The following CNTNAP5 variants were observed in gnomAD, a reference collection of about 807,000 sequenced individuals.
The protein encoded by CNTNAP5 is contactin associated protein family member 5.
In CNTNAP5, 72 loss-of-function variants were observed where a neutral mutation model predicts 150.2. The observed-to-expected ratio is 0.48, with a 90% confidence interval of 0.40 to 0.58. The LOEUF is 0.58. Among genes scored for constraint, CNTNAP5 ranks in the 20% least tolerant of loss-of-function variants. CNTNAP5 has a pLI of 0.00. For synonymous variants in CNTNAP5, 672 were observed against 619.8 expected (o/e 1.08, Z -1.25); for missense variants, 1,636 against 1,626.2 (o/e 1.01, Z -0.10).
At chr2:124,502,223 A>T (rs904117498) in intron 7 of CNTNAP5, among the ~76,000 whole-genome samples, 1 of 152,166 alleles carries the variant, frequency 6.6e-6, no homozygotes, top group African/African-American at 2.4e-5. Context: ...GCAACCCTGT[A>T]TTGTGCTCAA....
chr2:124,413,331 C>T (rs913652986), intron 3 of CNTNAP5, among the ~76,000 whole-genome samples: 5 of 151,334 alleles, frequency 3.3e-5, no homozygotes, highest in Admixed American at 1.3e-4. Context: ...GGCGATTCCT[C>T]AGGGATCTAG....
At chr2:124,708,679 A>G (rs112217345) in intron 13 of CNTNAP5, among the ~76,000 whole-genome samples, 43 of 152,290 alleles carry the variant, frequency 2.8e-4, no homozygotes, top group African/African-American at 7.9e-4. Context: ...GGATGCTACA[A>G]AGAGTTTCCT....
At chr2:124,291,653 A>G (rs1688297065) in intron 3 of CNTNAP5, among the ~76,000 whole-genome samples, 1 of 152,172 alleles carries the variant, frequency 6.6e-6, no homozygotes, top group African/African-American at 2.4e-5. Context: ...AAACACTGAC[A>G]CACTGCTTTG....
chr2:124,048,648 T>C (rs2104640123), intron 1 of CNTNAP5, among the ~76,000 whole-genome samples: 1 of 152,336 alleles, frequency 6.6e-6, no homozygotes, highest in East Asian at 1.9e-4. Context: ...AAAAGATTAA[T>C]GAGTATCTTT....
At chr2:124,774,057 G>C (rs889174993) in intron 17 of CNTNAP5, among the ~76,000 whole-genome samples, 1 of 151,596 alleles carries the variant, frequency 6.6e-6, no homozygotes, top group Non-Finnish European at 1.5e-5. Flanking sequence ...GTACAAAATC[G>C]AGCTCTTAAA....
At chr2:124,194,412 A>ATATATAT (rs1685534313) in intron 1 of CNTNAP5, among the ~76,000 whole-genome samples, 1 of 7,092 alleles carries the variant, frequency 1.4e-4, no homozygotes, top group Non-Finnish European at 4.5e-4. Flanking sequence ...TATATATATA[A>ATATATAT]ATATAAATAG....
intron 13 of CNTNAP5, among the ~76,000 whole-genome samples, chr2:124,656,003 G>GAAAGAAAA (rs1261971735): frequency 5.7e-5 from 8 of 141,452 alleles, no homozygotes; most frequent in East Asian, 4.2e-4. Context: ...AAGAAAAAAG[G>GAAAGAAAA]AAGGAAGGAA....
intron 3 of CNTNAP5, among the ~76,000 whole-genome samples, chr2:124,320,265 G>A (rs1689067034): frequency 6.6e-6 from 1 of 152,152 alleles, no homozygotes; most frequent in South Asian, 2.1e-4. Flanking sequence ...TTTCCTCAAA[G>A]GCTGTCACAA....
intron 1 of CNTNAP5, among the ~76,000 whole-genome samples, chr2:124,078,842 G>C (rs2104672222): frequency 6.6e-6 from 1 of 152,208 alleles, no homozygotes; most frequent in South Asian, 2.1e-4. Context: ...TCAATATATG[G>C]GGCATGGCCG....
At chr2:124,121,539 A>G (rs1323110463) in intron 1 of CNTNAP5, among the ~76,000 whole-genome samples, 1 of 152,190 alleles carries the variant, frequency 6.6e-6, no homozygotes, top group Non-Finnish European at 1.5e-5. Flanking sequence ...ATTATTGCCT[A>G]TGTCTGACTT....
intron 6 of CNTNAP5, among the ~76,000 whole-genome samples, chr2:124,472,396 C>T (rs560971946): frequency 6.6e-6 from 1 of 151,794 alleles, no homozygotes; most frequent in Admixed American, 6.6e-5. Context: ...TGTTTTGTTT[C>T]GTGATGGTAT....
chr2:124,134,780 C>T (rs1683935632), intron 1 of CNTNAP5, among the ~76,000 whole-genome samples: 2 of 152,152 alleles, frequency 1.3e-5, no homozygotes, highest in East Asian at 3.9e-4. Flanking sequence ...ATTCTTCTGA[C>T]CTGTCCATTC....
intron 4 of CNTNAP5, among the ~76,000 whole-genome samples, chr2:124,428,158 C>A (rs1692285126): frequency 6.6e-6 from 1 of 152,104 alleles, no homozygotes; most frequent in Non-Finnish European, 1.5e-5. Flanking sequence ...ACTTCCACTC[C>A]CTCCTTCTAT....
At chr2:124,455,430 C>T (rs992912259) in intron 6 of CNTNAP5, among the ~76,000 whole-genome samples, 15 of 152,006 alleles carry the variant, frequency 9.9e-5, no homozygotes, top group Admixed American at 9.2e-4. Flanking sequence ...TAAAAAAAGT[C>T]CAGGACCAGA....
intron 10 of CNTNAP5, among the ~76,000 whole-genome samples, chr2:124,538,488 A>G (rs898789590): frequency 4.2e-4 from 64 of 151,808 alleles, no homozygotes; most frequent in African/African-American, 1.5e-3. Context: ...TCAGAAAGAA[A>G]GAGAGAGAGA....
At chr2:124,674,844 A>G (rs2105061838) in intron 13 of CNTNAP5, among the ~76,000 whole-genome samples, 1 of 152,128 alleles carries the variant, frequency 6.6e-6, no homozygotes, top group Admixed American at 6.5e-5. Context: ...TGGGTAACAT[A>G]CTTTTAATGA....
At chr2:124,433,526 A>T (rs1692445027) in intron 4 of CNTNAP5, among the ~76,000 whole-genome samples, 1 of 152,116 alleles carries the variant, frequency 6.6e-6, no homozygotes, top group Non-Finnish European at 1.5e-5. Flanking sequence ...ACAAAAATTG[A>T]GTTTTCTTGG....
chr2:124,844,937 G>C (rs2104696688), intron 19 of CNTNAP5, among the ~76,000 whole-genome samples: 1 of 152,092 alleles, frequency 6.6e-6, no homozygotes, highest in Middle Eastern at 3.4e-3. Context: ...GTGACAGTTT[G>C]ATTTCCTCTT....
chr2:124,345,148 T>C (rs551839036), intron 3 of CNTNAP5, among the ~76,000 whole-genome samples: 2 of 152,322 alleles, frequency 1.3e-5, no homozygotes, highest in Admixed American at 6.5e-5. Context: ...GAAAAACATT[T>C]CAGTGTTACA....
Sources: allele counts gnomAD v4.1 joint callset (sites outside exome capture counted in the v4.1 genomes callset), GRCh38; gene constraint gnomAD v4.1.1; transcripts MANE v1.5; gene names NCBI Gene and HGNC (gene_info 2026-07-23, HGNC 2026-07-21).